The following CDK13 variants were observed in gnomAD, a reference collection of about 807,000 sequenced individuals.
CDK13 encodes cyclin-dependent kinase 13.
A neutral mutation model predicts 137.6 loss-of-function variants in CDK13; 40 were observed. That is an observed-to-expected ratio of 0.29 (90% CI 0.23 to 0.38). The LOEUF is 0.38. Ranked by LOEUF, CDK13 falls within the 10% of genes least tolerant of loss-of-function variation. The pLI, the probability that CDK13 is intolerant of heterozygous loss-of-function variation, is 1.00. For synonymous variants in CDK13, 869 were observed against 760.1 expected (o/e 1.14, Z -2.36); for missense variants, 1,704 against 1,951.8 (o/e 0.87, Z 2.39).
chr7:39,964,561 A>T (rs1213427527), intron 1 of CDK13, among the ~76,000 whole-genome samples: 2 of 151,118 alleles, frequency 1.3e-5, no homozygotes, highest in Admixed American at 6.6e-5. Flanking sequence ...TTGATCTTTT[A>T]AAAAAACCAG....
At chr7:40,053,816 G>T (rs1038153847) in intron 7 of CDK13, among the ~76,000 whole-genome samples, 3 of 150,380 alleles carry the variant, frequency 2.0e-5, no homozygotes, top group Non-Finnish European at 4.4e-5. Flanking sequence ...TAACGTTTGT[G>T]TACATCACTT....
chr7:40,085,728 A>G (rs924997918), intron 11 of CDK13: 2 of 152,620 alleles, frequency 1.3e-5, no homozygotes, highest in African/African-American at 4.8e-5. Context: ...GCAATGCATC[A>G]TAGTAAGATG....
In CDK13 at chr7:39,988,024, C is replaced by T. The variant is rs1410364557; in HGVS notation, c.1637C>T (p.Thr546Met). The change falls in exon 2 of 14, where the codon ACG becomes ATG. Residue 546 changes from threonine (T) to methionine (M), a missense_variant. Around this residue, in one of 5 missense-constraint regions of CDK13, gnomAD observed 1,051 missense variants for 931.0 expected, o/e 1.13. Coordinates refer to ENST00000181839, the MANE Select transcript of CDK13 (RefSeq NM_003718.5). ...KAKTKPPLQV[T>M]KVENNLIVDK... Reference sequence around the variant, plus strand: ...AAAACAAAGCCACCTCTTCAGGTAACGAAGGTGGAAAATAATTTGATTGTA... The same window carrying T: ...AAAACAAAGCCACCTCTTCAGGTAATGAAGGTGGAAAATAATTTGATTGTA... 6.2e-6 allele frequency: 10 copies of T among 1,613,922 alleles called. No individual in the cohort carries two copies. The highest frequency in any genetic ancestry group is 1.6e-4 in the Middle Eastern group (1 of 6,062).
At chr7:39,993,184 G>C (rs1407820120) in intron 2 of CDK13, among the ~76,000 whole-genome samples, 1 of 152,046 alleles carries the variant, frequency 6.6e-6, no homozygotes, top group Admixed American at 6.5e-5. Context: ...CATTGCTGCT[G>C]CACAAATTAA....
intron 7 of CDK13, among the ~76,000 whole-genome samples, chr7:40,051,902 T>C (rs946153872): frequency 1.3e-5 from 2 of 152,244 alleles, no homozygotes; most frequent in Non-Finnish European, 2.9e-5. Flanking sequence ...CCATTCTGCA[T>C]TGGGAATTTT....
intron 2 of CDK13, among the ~76,000 whole-genome samples, chr7:39,992,661 A>G (rs1296031068): frequency 6.6e-6 from 1 of 151,828 alleles, no homozygotes; most frequent in Non-Finnish European, 1.5e-5. Flanking sequence ...ATCAATAATC[A>G]GTACTCCCCC....
intron 5 of CDK13, among the ~76,000 whole-genome samples, chr7:40,031,822 A>ATTATTG (rs1217106748): frequency 8.8e-6 from 1 of 113,576 alleles, no homozygotes; most frequent in Non-Finnish European, 1.8e-5. Flanking sequence ...ATTTATTATT[A>ATTATTG]TTATTGTTAT....
In CDK13 at chr7:39,951,694, T is replaced by C; in HGVS notation, c.1053T>C (p.Tyr351=). ...PSPAGGGSSP[Y]SRRLPRSPSP... The stretch of plus-strand genomic sequence containing the variant: ...CGGCAGGAGGTGGCAGCAGCCCCTA[T>C]TCTCGGCGGCTGCCGCGCTCCCCGA... Residue 351 remains tyrosine, a synonymous_variant, in exon 1 of 14, where the codon TAT becomes TAC. Coordinates refer to ENST00000181839, the MANE Select transcript of CDK13 (RefSeq NM_003718.5). 2 of 1,466,498 alleles carry C rather than the reference T, an allele frequency of 1.4e-6. No homozygotes were observed. The highest frequency in any genetic ancestry group is 1.8e-6 in the Non-Finnish European group (2 of 1,116,654). 90.8% of individuals were successfully genotyped at this position (1,466,498 alleles called of 1,614,324 possible).
At chr7:40,052,046 G>T (rs1785900618) in intron 7 of CDK13, among the ~76,000 whole-genome samples, 1 of 152,026 alleles carries the variant, frequency 6.6e-6, no homozygotes, top group African/African-American at 2.4e-5. Context: ...CCAAGTCATT[G>T]CTCCAGTGGT....
At chr7:40,033,830 A>G (rs1366341768) in intron 5 of CDK13, among the ~76,000 whole-genome samples, 2 of 152,088 alleles carry the variant, frequency 1.3e-5, no homozygotes, top group East Asian at 1.9e-4. Context: ...CTCTACAAGT[A>G]CTTCTAAGTT....
intron 1 of CDK13, among the ~76,000 whole-genome samples, chr7:39,959,179 C>A (rs1787525250): frequency 1.3e-5 from 2 of 150,674 alleles, no homozygotes; most frequent in Admixed American, 6.6e-5. Flanking sequence ...ATTTTAATTT[C>A]TTTCTTTTTT....
At chr7:40,029,661 T>C (rs1180438093) in intron 5 of CDK13, among the ~76,000 whole-genome samples, 2 of 151,510 alleles carry the variant, frequency 1.3e-5, no homozygotes, top group African/African-American at 4.9e-5. Context: ...TTTTTTTTTT[T>C]CTTTTTTTTG....
At chr7:40,093,478 TGG>T (rs1279368362) in intron 13 of CDK13, among the ~76,000 whole-genome samples, 238 of 152,322 alleles carry the variant, frequency 1.6e-3, no homozygotes, top group African/African-American at 5.7e-3. Flanking sequence ...GGTAAACCTA[TGG>T]TTAAGAAATA....
rs556814186 is a variant in CDK13, at chr7:40,087,779, C to T, written c.3030-347C>T. On this transcript the variant is annotated intron_variant, in intron 11 of 13. Coordinates refer to ENST00000181839, the MANE Select transcript of CDK13 (RefSeq NM_003718.5). The stretch of plus-strand genomic sequence containing the variant: ...GGCCAGGCTGATCTCAAACTCCTGA[C>T]CTCAGATGATCCACCTATGTCGGCC... Among the ~76,000 whole-genome samples the T allele has an allele frequency of 1.1e-4, 17 of 152,130 alleles. 1 individual carries two copies. Among genetic ancestry groups the T allele is most frequent in the Admixed American group, 1.0e-3 (16 of 15,266 alleles).
chr7:40,000,205 G>C (rs1000696319), intron 4 of CDK13, among the ~76,000 whole-genome samples: 1 of 151,934 alleles, frequency 6.6e-6, no homozygotes, highest in Non-Finnish European at 1.5e-5. Context: ...AAGAAACCCT[G>C]TCTCTACCAA....
intron 2 of CDK13, among the ~76,000 whole-genome samples, chr7:39,995,694 G>A (rs538376750): frequency 6.6e-6 from 1 of 152,184 alleles, no homozygotes; most frequent in African/African-American, 2.4e-5. Flanking sequence ...GAAGTGGGCT[G>A]TGTAATATAT....
intron 5 of CDK13, among the ~76,000 whole-genome samples, chr7:40,026,508 GC>G (rs1200543428): frequency 6.6e-6 from 1 of 152,174 alleles, no homozygotes; most frequent in African/African-American, 2.4e-5. Flanking sequence ...ATGAGACCCT[GC>G]CTCAGAAATA....
chr7:40,005,927 G>A (rs1310290453), intron 5 of CDK13, among the ~76,000 whole-genome samples: 3 of 152,068 alleles, frequency 2.0e-5, no homozygotes, highest in Admixed American at 2.0e-4. Context: ...GGCTTGTCAT[G>A]TTCCCCAAGG....
Position 39,995,582 on chromosome 7 carries a change from A to G in CDK13, c.1872-1912A>G, listed in dbSNP as rs186885548. Among the ~76,000 whole-genome samples, 7 of 152,320 alleles carry G rather than the reference A, an allele frequency of 4.6e-5. No individual in the cohort carries two copies. In the East Asian group the frequency reaches 9.6e-4, roughly 21 times the overall value. The stretch of plus-strand genomic sequence containing the variant: ...CTGTAAGCTCTTTTTGAAAGAAACT[A>G]TAGCTTAATGTGTTTGTTGTTAAAT... On this transcript the variant is annotated intron_variant, in intron 2 of 13. Coordinates refer to ENST00000181839, the MANE Select transcript of CDK13 (RefSeq NM_003718.5).
Sources: allele counts gnomAD v4.1 joint callset (sites outside exome capture counted in the v4.1 genomes callset), GRCh38; gene constraint gnomAD v4.1.1; regional missense constraint gnomAD v4.1.1; transcripts MANE v1.5; gene names NCBI Gene and HGNC (gene_info 2026-07-23, HGNC 2026-07-21).